Variants in CSMD1 observed in about 807,000 individuals in gnomAD.
CSMD1 encodes the protein CUB and sushi domain-containing protein 1.
CSMD1 carries 213 observed loss-of-function variants against 417.5 expected under a neutral mutation model. That is an observed-to-expected ratio of 0.51 (90% CI 0.46 to 0.57). CSMD1 has a LOEUF of 0.57. CSMD1 is among the 20% of genes least tolerant of loss of function. The probability of loss-of-function intolerance (pLI) is 0.00; values close to 1 mark genes in which losing one functional copy is unlikely to be tolerated. For missense variants in CSMD1, 6,923 were observed against 4,529.7 expected, an observed-to-expected ratio of 1.53 and a Z score of -15.17; for synonymous variants, 2,862 against 1,736.8, an observed-to-expected ratio of 1.65 and a Z score of -16.11.
At chr8:3,142,822 G>C (rs537139980) in intron 40 of CSMD1, 148 bp from the exon 41 acceptor site, 1 of 729,902 alleles carries the variant, frequency 1.4e-6, no homozygotes, top group Non-Finnish European at 2.3e-6. Context: ...CATTCACTGT[G>C]GATGACAGCA....
intron 2 of CSMD1, among the ~76,000 whole-genome samples, chr8:4,497,982 C>T (rs1258287460): frequency 2.0e-5 from 3 of 152,120 alleles, no homozygotes; most frequent in African/African-American, 7.2e-5. Context: ...GCGACGTCTG[C>T]GTGTAAAATG....
At chr8:3,380,581 C>A (rs1357168887) in intron 18 of CSMD1, among the ~76,000 whole-genome samples, 1 of 152,124 alleles carries the variant, frequency 6.6e-6, no homozygotes, top group African/African-American at 2.4e-5. Context: ...GAGTTCATGT[C>A]CTTTGCAGGG....
intron 2 of CSMD1, among the ~76,000 whole-genome samples, chr8:4,529,961 C>A (rs974946968): frequency 6.6e-6 from 1 of 151,704 alleles, no homozygotes; most frequent in Non-Finnish European, 1.5e-5. Flanking sequence ...GTCACCCAGG[C>A]TGGAGTGCAG....
intron 10 of CSMD1, among the ~76,000 whole-genome samples, chr8:3,556,539 C>A (rs1799158689): frequency 6.7e-6 from 1 of 149,222 alleles, no homozygotes. Context: ...CACACACACA[C>A]ACACACACAC....
At chr8:4,323,557 G>C (rs1449061740) in intron 3 of CSMD1, among the ~76,000 whole-genome samples, 1 of 152,036 alleles carries the variant, frequency 6.6e-6, no homozygotes, top group Non-Finnish European at 1.5e-5. Flanking sequence ...TCTATATTGG[G>C]TCATATATCT....
chr8:4,832,086 T>C (rs1174106564), intron 1 of CSMD1, among the ~76,000 whole-genome samples: 3 of 152,154 alleles, frequency 2.0e-5, no homozygotes, highest in Non-Finnish European at 4.4e-5. Flanking sequence ...TATCTACCCT[T>C]CTCTTCGGGA....
intron 1 of CSMD1, among the ~76,000 whole-genome samples, chr8:4,954,043 G>C (rs1193518816): frequency 3.3e-5 from 5 of 152,008 alleles, no homozygotes; most frequent in South Asian, 2.1e-4. Flanking sequence ...AAAAAGAATT[G>C]AGTGCTTTTC....
chr8:4,182,595 C>T (rs1289730114), intron 3 of CSMD1, among the ~76,000 whole-genome samples: 6 of 152,110 alleles, frequency 3.9e-5, no homozygotes, highest in African/African-American at 1.4e-4. Flanking sequence ...GCATTCTACT[C>T]TGAGGGAATT....
At chr8:3,598,428 C>G (rs1288510721) in intron 8 of CSMD1, 2 of 152,146 alleles carry the variant, frequency 1.3e-5, no homozygotes, top group Non-Finnish European at 2.9e-5. Context: ...AAGATTTTCC[C>G]TCAGGGTTTT....
At chr8:3,927,463 G>C (rs1432139865) in intron 5 of CSMD1, among the ~76,000 whole-genome samples, 3 of 151,826 alleles carry the variant, frequency 2.0e-5, no homozygotes, top group Non-Finnish European at 4.4e-5. Context: ...TCAGGAGTTT[G>C]GGACCACCCT....
chr8:4,363,378 T>C (rs1250671433), intron 3 of CSMD1, among the ~76,000 whole-genome samples: 1 of 152,200 alleles, frequency 6.6e-6, no homozygotes, highest in African/African-American at 2.4e-5. Context: ...GCGTGCATGC[T>C]TTATACGTAA....
chr8:4,904,628 C>A (rs1389099084), intron 1 of CSMD1, among the ~76,000 whole-genome samples: 3 of 152,110 alleles, frequency 2.0e-5, no homozygotes, highest in Admixed American at 6.5e-5. Flanking sequence ...GAGCGCCCAA[C>A]CATCCAAGTC....
chr8:2,949,402 G>GAAAAA lies in CSMD1; in HGVS notation c.10315-17_10315-16insTTTTT, dbSNP rs368841292. The GAAAAA allele has an allele frequency of 7.9e-7, 1 of 1,272,178 alleles. No individual in the cohort carries two copies. The highest frequency in any genetic ancestry group is 1.1e-6 in the Non-Finnish European group (1 of 887,184). 78.8% of individuals were successfully genotyped at this position (1,272,178 alleles called of 1,614,324 possible). A position where few individuals can be genotyped will look rare whatever the true frequency, so the allele number is the denominator to read the frequency against. On this transcript the variant is annotated splice_polypyrimidine_tract_variant and intron_variant, in intron 67 of 69. Transcript: ENST00000635120. The stretch of plus-strand genomic sequence containing the variant: ...CAGATGACACCTGACACATAGGAAA[G>GAAAAA]AAAAGAAAAGAAATAAAAAGGTATA...
intron 3 of CSMD1, among the ~76,000 whole-genome samples, chr8:4,252,628 C>A (rs1383202765): frequency 1.3e-5 from 2 of 152,178 alleles, no homozygotes; most frequent in Non-Finnish European, 2.9e-5. Context: ...CAAATATAGT[C>A]TCCAGAAGTA....
In CSMD1 at chr8:3,409,518, G is replaced by T. The variant is rs200929585; in HGVS notation, c.1649C>A (p.Thr550Asn). The T allele has an allele frequency of 1.2e-6, 2 of 1,611,258 alleles. No individual in the cohort carries two copies. Among genetic ancestry groups the T allele is most frequent in the African/African-American group, 1.3e-5 (1 of 74,890 alleles). The change falls in exon 13 of 70, where the codon ACC (threonine) becomes AAC (asparagine). Residue 550 changes from threonine (T) to asparagine (N), a missense_variant. By Grantham distance (65) the Thr-to-Asn change is moderately conservative. Coordinates refer to ENST00000635120, the MANE Select transcript of CSMD1 (RefSeq NM_033225.6). ...GSSFLHGDTL[T>N]FECPAAFELV... is the part of the protein sequence containing the mutation. Reference sequence around the variant, plus strand: ...CTCAAAGGCCGCCGGGCATTCAAAGGTGAGTGTATCTCCATGGAGGAAACT... The same window carrying T: ...CTCAAAGGCCGCCGGGCATTCAAAGTTGAGTGTATCTCCATGGAGGAAACT...
At chr8:3,156,242 T>C (rs976205922) in intron 39 of CSMD1, among the ~76,000 whole-genome samples, 1 of 152,174 alleles carries the variant, frequency 6.6e-6, no homozygotes, top group Non-Finnish European at 1.5e-5. Context: ...TGGACATAAA[T>C]GGGTTCTGAG....
chr8:4,453,840 G>GTCTCAAAAAAAAAAAAAAAAAAA (rs1799305652), intron 2 of CSMD1, among the ~76,000 whole-genome samples: 2 of 10,708 alleles, frequency 1.9e-4, no homozygotes, highest in African/African-American at 5.6e-4. Flanking sequence ...TTTTTTTTTT[G>GTCTCAAAAAAAAAAAAAAAAAAA]AGACAGAGTC....
intron 3 of CSMD1, among the ~76,000 whole-genome samples, chr8:4,253,326 C>T (rs564474524): frequency 1.3e-5 from 2 of 152,066 alleles, no homozygotes; most frequent in Admixed American, 6.5e-5. Context: ...TCTTTTTTCC[C>T]CTACTATAGA....
chr8:4,153,179 C>T (rs962451655), intron 3 of CSMD1, among the ~76,000 whole-genome samples: 3 of 152,162 alleles, frequency 2.0e-5, no homozygotes, highest in Non-Finnish European at 2.9e-5. Context: ...ATAAGATAAG[C>T]AGAGCCCAGT....
Sources: allele counts gnomAD v4.1 joint callset (sites outside exome capture counted in the v4.1 genomes callset), GRCh38; gene constraint gnomAD v4.1.1; transcripts MANE v1.5; gene names NCBI Gene and HGNC (gene_info 2026-07-23, HGNC 2026-07-21).